PACRGL: variants seen among roughly 807,000 people sequenced by gnomAD.
The protein encoded by PACRGL is PACRG-like protein.
In PACRGL, 38 loss-of-function variants were observed where a neutral mutation model predicts 34.5. That is an observed-to-expected ratio of 1.10 (90% CI 0.85 to 1.44). The LOEUF (loss-of-function observed/expected upper bound fraction) is 1.44. Ranked by LOEUF, PACRGL falls within the 40% of genes most tolerant of loss-of-function variation. The pLI, the probability that PACRGL is intolerant of heterozygous loss-of-function variation, is 0.00. For synonymous variants in PACRGL, 128 were observed against 100.1 expected, an observed-to-expected ratio of 1.28 and a Z score of -1.66; for missense variants, 305 against 281.4, an observed-to-expected ratio of 1.08 and a Z score of -0.60.
chr4:20,764,687 C>A, the PACRGL span, among the ~76,000 whole-genome samples: 1 of 151,174 alleles, frequency 6.6e-6, no homozygotes, highest in African/African-American at 2.4e-5. Flanking sequence ...ATTGGACACA[C>A]ACACACACAC....
At position 20,730,491 on chromosome 4, in the gene PACRGL, G is replaced by C. The variant is rs549120193; in HGVS notation, c.*3150G>C. 1.4e-3 allele frequency among the ~76,000 whole-genome samples: 218 copies of C among 152,246 alleles called. No homozygotes were observed. Among genetic ancestry groups the C allele is most frequent in the Admixed American group, 2.6e-3 (39 of 15,286 alleles). Reference sequence around the variant, plus strand: ...ATTTTGGCATTCTATGTAGATCACAGGCCAAATCACACAGACTTTTATACA... The same window carrying C: ...ATTTTGGCATTCTATGTAGATCACACGCCAAATCACACAGACTTTTATACA... On this transcript the variant is annotated 3_prime_UTR_variant, in exon 9 of 9. Transcript: ENST00000503585.
the PACRGL span, among the ~76,000 whole-genome samples, chr4:20,758,040 G>T: frequency 1.3e-5 from 2 of 152,170 alleles, no homozygotes; most frequent in Non-Finnish European, 2.9e-5. Context: ...TTTGGGCAGA[G>T]ATTACATCCT....
Position 20,729,351 on chromosome 4 carries a change from T to G in PACRGL, c.*2010T>G, listed in dbSNP as rs1747152739. On this transcript the variant is annotated 3_prime_UTR_variant, in exon 9 of 9. Transcript: ENST00000503585. The stretch of plus-strand genomic sequence containing the variant: ...ATGATTGATACAATAGAAAACAGCC[T>G]GTAAGAAAGATTGAACAAATCCAAA... 1 of 152,180 alleles carries G rather than the reference T, an allele frequency of 6.6e-6. No individual in the cohort carries two copies. Among genetic ancestry groups the G allele is most frequent in the African/African-American group, 2.4e-5 (1 of 41,394 alleles). The allele number at this position is 152,180 out of a possible 1,614,324, so 9.4% of individuals were successfully genotyped here.
In PACRGL at chr4:20,732,266, C is replaced by G. The variant is rs1039603596; in HGVS notation, c.*4925C>G. On this transcript the variant is annotated 3_prime_UTR_variant, in exon 9 of 9. Coordinates refer to ENST00000503585, the MANE Select transcript of PACRGL (RefSeq NM_001258345.3). Reference sequence around the variant, plus strand: ...CAAATGCTTCTGGCTTTTCCCTTTTCAATATAATGTGGTGAAGATGTAGAG... The same window carrying G: ...CAAATGCTTCTGGCTTTTCCCTTTTGAATATAATGTGGTGAAGATGTAGAG... Among the ~76,000 whole-genome samples, 16 of 152,150 alleles carry G rather than the reference C, an allele frequency of 1.1e-4. No individual in the cohort carries two copies. Among genetic ancestry groups the G allele is most frequent in the Non-Finnish European group, 1.3e-4 (9 of 68,028 alleles).
chr4:20,708,879 C>T (rs901161679), intron 4 of PACRGL, among the ~76,000 whole-genome samples: 3 of 151,758 alleles, frequency 2.0e-5, no homozygotes, highest in Non-Finnish European at 4.4e-5. Flanking sequence ...GTAATCCCAG[C>T]ACTTTGGGAG....
At chr4:20,702,944 G>T (rs1732846064) in intron 1 of PACRGL, among the ~76,000 whole-genome samples, 1 of 152,168 alleles carries the variant, frequency 6.6e-6, no homozygotes, top group South Asian at 2.1e-4. Context: ...ATTATTCAGT[G>T]TGCAGAAGCA....
At chr4:20,756,628 A>G (rs993760761), downstream of PACRGL, among the ~76,000 whole-genome samples, 5 of 151,686 alleles carry the variant, frequency 3.3e-5, no homozygotes, top group East Asian at 2.0e-4. Context: ...ACCCTCTGCA[A>G]TTTGGCTTCT....
chr4:20,762,528 C>T, the PACRGL span, among the ~76,000 whole-genome samples: 6 of 152,176 alleles, frequency 3.9e-5, no homozygotes, highest in Non-Finnish European at 7.3e-5. Context: ...AGATGGTATA[C>T]ATTCTGTAAC....
chr4:20,722,183 A>T (rs1560358241), intron 7 of PACRGL, among the ~76,000 whole-genome samples: 1 of 152,216 alleles, frequency 6.6e-6, no homozygotes, highest in African/African-American at 2.4e-5. Flanking sequence ...AAAGTGCAGT[A>T]TTAAGTTGGG....
chr4:20,736,867 A>G (rs1749747871), downstream of PACRGL, among the ~76,000 whole-genome samples: 1 of 152,198 alleles, frequency 6.6e-6, no homozygotes, highest in Admixed American at 6.5e-5. Context: ...AAGAAAGAAA[A>G]ACAAACTTGG....
intron 8 of PACRGL, among the ~76,000 whole-genome samples, chr4:20,738,669 C>G (rs1202771310): frequency 6.6e-6 from 1 of 152,238 alleles, no homozygotes; most frequent in Non-Finnish European, 1.5e-5. Flanking sequence ...CAGCTCCCAG[C>G]ATGAGCAACG....
chr4:20,763,448 C>A, the PACRGL span, among the ~76,000 whole-genome samples: 1 of 152,102 alleles, frequency 6.6e-6, no homozygotes, highest in Non-Finnish European at 1.5e-5. Flanking sequence ...CTGTGTCATC[C>A]AGAAGGAGGA....
intron 7 of PACRGL, among the ~76,000 whole-genome samples, chr4:20,719,317 T>G (rs1261570719): frequency 6.6e-6 from 1 of 152,144 alleles, no homozygotes; most frequent in Non-Finnish European, 1.5e-5. Context: ...GTGTTTTGTG[T>G]CTCTATCTCC....
downstream of PACRGL, among the ~76,000 whole-genome samples, chr4:20,734,110 C>T (rs1393443253): frequency 1.3e-5 from 2 of 152,190 alleles, no homozygotes; most frequent in East Asian, 1.9e-4. Flanking sequence ...CCTTTCTTTA[C>T]TTCTCGCTGT....
At chr4:20,737,415 C>T (rs983351273), downstream of PACRGL, among the ~76,000 whole-genome samples, 1 of 152,056 alleles carries the variant, frequency 6.6e-6, no homozygotes, top group African/African-American at 2.4e-5. Context: ...ACTTTGAATA[C>T]TGAAGAGAAG....
At chr4:20,738,554 T>C (rs918038723) in intron 8 of PACRGL, among the ~76,000 whole-genome samples, 3 of 152,198 alleles carry the variant, frequency 2.0e-5, no homozygotes, top group Non-Finnish European at 2.9e-5. Flanking sequence ...ATCACTGGCA[T>C]TGACCTCACC....
intron 7 of PACRGL, among the ~76,000 whole-genome samples, chr4:20,715,107 A>G (rs911653939): frequency 2.6e-5 from 4 of 152,224 alleles, no homozygotes; most frequent in Non-Finnish European, 5.9e-5. Context: ...AAAAATGATG[A>G]GTTCATTCCT....
Position 20,727,472 on chromosome 4 carries a change from C to T in PACRGL, c.*131C>T. 1 of 668,826 alleles carries T rather than the reference C, an allele frequency of 1.5e-6. No individual in the cohort carries two copies. Among genetic ancestry groups the T allele is most frequent in the Non-Finnish European group, 2.5e-6 (1 of 397,694 alleles). The allele number at this position is 668,826 out of a possible 1,614,324, so 41.4% of individuals were successfully genotyped here. A position where few individuals can be genotyped will look rare whatever the true frequency, so the allele number is the denominator to read the frequency against. ...TATTTACTAGGTTAAGATGAATAGA[C>T]ACTGAATCAAAGTTATTCATCAACA... is the stretch of plus-strand genomic sequence containing the variant. On this transcript the variant is annotated 3_prime_UTR_variant, in exon 9 of 9. Transcript: ENST00000503585.
Position 20,730,726 on chromosome 4 carries a change from C to T in PACRGL, c.*3385C>T, listed in dbSNP as rs1747886772. Among the ~76,000 whole-genome samples the T allele has an allele frequency of 6.6e-6, 1 of 152,166 alleles. No individual in the cohort carries two copies. Among genetic ancestry groups the T allele is most frequent in the African/African-American group, 2.4e-5 (1 of 41,446 alleles). On this transcript the variant is annotated 3_prime_UTR_variant, in exon 9 of 9. Transcript: ENST00000503585. ...CAGAGAAAGAATTGGGGAGCAGAAA[C>T]CACTGCTCAGTGGCTGTGTTCAGTT... is the stretch of plus-strand genomic sequence containing the variant.
Sources: allele counts gnomAD v4.1 joint callset (sites outside exome capture counted in the v4.1 genomes callset), GRCh38; gene constraint gnomAD v4.1.1; transcripts MANE v1.5; gene names NCBI Gene and HGNC (gene_info 2026-07-23, HGNC 2026-07-21).